The following SMG7 variants were observed in gnomAD, a reference collection of about 807,000 sequenced individuals.
SMG7 encodes the protein nonsense-mediated mRNA decay factor SMG7.
Under a neutral mutation model 148.2 loss-of-function variants are expected in SMG7, and 34 were observed. That is an observed-to-expected ratio of 0.23 (90% CI 0.17 to 0.31). The LOEUF is 0.31. Ranked by LOEUF, SMG7 falls within the 10% of genes least tolerant of loss-of-function variation. The pLI is 1.00. For missense variants in SMG7, 1,114 were observed against 1,408.4 expected (o/e 0.79, Z 3.35); for synonymous variants, 492 against 515.1 (o/e 0.96, Z 0.61).
chr1:183,545,445 G>A (rs1049631323), intron 16 of SMG7, 133 bp downstream of exon 16: 4 of 1,016,586 alleles, frequency 3.9e-6, no homozygotes, highest in Non-Finnish European at 4.3e-6. Flanking sequence ...GAAAACAAAA[G>A]TATTGTCTCT....
In SMG7 at chr1:183,538,398, A is replaced by G; in HGVS notation, c.1253A>G (p.Glu418Gly). The change falls in exon 12 of 23, where the codon GAG becomes GGG. Residue 418 changes from glutamate to glycine, a missense_variant. Physicochemically the swap from Glu to Gly is moderately conservative, Grantham distance 98. Coordinates refer to ENST00000688051, the MANE Select transcript of SMG7 (RefSeq NM_001375584.1). Reference sequence around the variant, plus strand: ...CCTTTAGCGACACCACTTCCAGAGGAGTTTGAATTACAAGGATTTTTGGCA... The same window carrying G: ...CCTTTAGCGACACCACTTCCAGAGGGGTTTGAATTACAAGGATTTTTGGCA... The part of the protein sequence containing the change: ...SSISATPLPE[E>G]FELQGFLALR... 1 of 1,613,218 alleles carries G rather than the reference A, an allele frequency of 6.2e-7. No individual in the cohort carries two copies. The highest frequency in any genetic ancestry group is 8.5e-7 in the Non-Finnish European group (1 of 1,179,226).
intron 4 of SMG7, among the ~76,000 whole-genome samples, chr1:183,525,252 A>C (rs899511531): frequency 6.6e-6 from 1 of 152,204 alleles, no homozygotes; most frequent in Non-Finnish European, 1.5e-5. Flanking sequence ...CTCAGTAATC[A>C]ACCATAAGAT....
chr1:183,506,339 G>A (rs1433643950), intron 1 of SMG7, among the ~76,000 whole-genome samples: 3 of 152,088 alleles, frequency 2.0e-5, no homozygotes, highest in South Asian at 2.1e-4. Context: ...TTTTATTAAC[G>A]TGTGCAAGAA....
intron 3 of SMG7, 52 bp downstream of exon 3, chr1:183,516,043 G>GTA (rs778962681): frequency 8.9e-7 from 1 of 1,122,030 alleles, no homozygotes; most frequent in Non-Finnish European, 1.3e-6. Flanking sequence ...GAATTTCACC[G>GTA]AGACTTTAAA....
At chr1:183,486,351 A>G (rs1655415559) in intron 1 of SMG7, among the ~76,000 whole-genome samples, 1 of 152,244 alleles carries the variant, frequency 6.6e-6, no homozygotes, top group African/African-American at 2.4e-5. Flanking sequence ...ATTGTTACAT[A>G]AAACCAAGCA....
Position 183,553,251 on chromosome 1 carries a change from G to T in SMG7, c.*1320G>T. 6.8e-7 allele frequency: 1 copy of T among 1,470,480 alleles called. No homozygotes were observed. The highest frequency in any genetic ancestry group is 2.5e-5 in the East Asian group (1 of 40,142). 91.1% of individuals were successfully genotyped at this position (1,470,480 alleles called of 1,614,324 possible). A position where few individuals can be genotyped will look rare whatever the true frequency, so the allele number is the denominator to read the frequency against. ...AGGAAAGAGGACTGAAAATGTTCTT[G>T]TGTAGAAACAGAAGGACAGCATTTC... On this transcript the variant is annotated 3_prime_UTR_variant, in exon 23 of 23. Transcript: ENST00000688051.
intron 20 of SMG7, 149 bp downstream of exon 20, chr1:183,550,072 T>TA: frequency 3.2e-5 from 19 of 595,592 alleles, no homozygotes; most frequent in African/African-American, 3.9e-5. Flanking sequence ...TGAAAGGAAA[T>TA]AGAAAAAAAA....
intron 1 of SMG7, among the ~76,000 whole-genome samples, chr1:183,487,014 A>T (rs1655609651): frequency 6.6e-6 from 1 of 152,150 alleles, no homozygotes; most frequent in East Asian, 1.9e-4. Context: ...AACAGAAAAA[A>T]CACTGGCTCA....
At chr1:183,533,410 A>T in intron 9 of SMG7, 84 bp downstream of exon 9, 1 of 1,392,096 alleles carries the variant, frequency 7.2e-7, no homozygotes, top group Non-Finnish European at 9.9e-7. Context: ...AAGCACAGTG[A>T]CATAAAAAAG....
chr1:183,532,332 A>G (rs1488822347), intron 8 of SMG7, among the ~76,000 whole-genome samples: 1 of 152,170 alleles, frequency 6.6e-6, no homozygotes, highest in Non-Finnish European at 1.5e-5. Flanking sequence ...CTATGGCTAA[A>G]GTGTAGGATG....
At chr1:183,530,117 T>C (rs746443260) in intron 8 of SMG7, among the ~76,000 whole-genome samples, 1 of 152,184 alleles carries the variant, frequency 6.6e-6, no homozygotes, top group Non-Finnish European at 1.5e-5. Flanking sequence ...AGTATTAACT[T>C]TTTTTCAGTT....
At chr1:183,541,907 C>G (rs558289767) in intron 13 of SMG7, among the ~76,000 whole-genome samples, 169 bp from the exon 14 acceptor site, 52 of 152,248 alleles carry the variant, frequency 3.4e-4, no homozygotes, top group Admixed American at 5.9e-4. Flanking sequence ...TAATGAGAAC[C>G]TCAGTTTCTA....
chr1:183,551,205 G>A lies in SMG7; in HGVS notation c.3450+15G>A, dbSNP rs1670987879. ...AAAGCCTAAAGGTGAGTAGATTTCA[G>A]GAACAAGAACCACAAGATTATTACA... On this transcript the variant is annotated intron_variant, in intron 22 of 22. Coordinates refer to ENST00000688051, the MANE Select transcript of SMG7 (RefSeq NM_001375584.1). 6.4e-7 allele frequency: 1 copy of A among 1,553,170 alleles called. No homozygotes were observed. The highest frequency in any genetic ancestry group is 8.6e-7 in the Non-Finnish European group (1 of 1,156,450).
chr1:183,531,440 ACT>A (rs1455793398), intron 8 of SMG7, among the ~76,000 whole-genome samples: 1 of 152,122 alleles, frequency 6.6e-6, no homozygotes, highest in Non-Finnish European at 1.5e-5. Flanking sequence ...TCCTTGGAAG[ACT>A]CTCTACAATA....
intron 1 of SMG7, among the ~76,000 whole-genome samples, chr1:183,488,813 A>G (rs1357819608): frequency 6.7e-6 from 1 of 148,512 alleles, no homozygotes; most frequent in Non-Finnish European, 1.5e-5. Context: ...CCTCCTGAGT[A>G]GCTGGGATTA....
chr1:183,477,552 GTGTGTGCATATGTGTATATATGCATATA>G (rs1283480830), intron 1 of SMG7, among the ~76,000 whole-genome samples: 10 of 68,758 alleles, frequency 1.5e-4, no homozygotes, highest in South Asian at 6.6e-4. Context: ...GCATATATAC[GTGTGTGCATATGTGTATATATGCATATA>G]TACGTGTGTG....
chr1:183,537,114 A>AT, intron 10 of SMG7, 31 bp from the exon 11 acceptor site: 2 of 1,522,536 alleles, frequency 1.3e-6, no homozygotes, highest in Non-Finnish European at 1.8e-6. Context: ...TTACATAAAA[A>AT]TAAAGTCTGA....
chr1:183,528,841 A>G (rs750842890), intron 6 of SMG7, 51 bp from the exon 7 acceptor site: 3 of 1,479,174 alleles, frequency 2.0e-6, no homozygotes, highest in Admixed American at 3.9e-5. Flanking sequence ...TTCTTATAGC[A>G]AGACTTTGTC....
intron 12 of SMG7, among the ~76,000 whole-genome samples, chr1:183,539,691 A>G (rs1668455135): frequency 1.3e-5 from 2 of 152,196 alleles, no homozygotes; most frequent in African/African-American, 4.8e-5. Context: ...GGCATTACCC[A>G]TCTATATGAC....
Sources: allele counts gnomAD v4.1 joint callset (sites outside exome capture counted in the v4.1 genomes callset), GRCh38; gene constraint gnomAD v4.1.1; transcripts MANE v1.5; gene names NCBI Gene and HGNC (gene_info 2026-07-23, HGNC 2026-07-21).